Variants in TMED5 observed in about 807,000 individuals in gnomAD.
The protein encoded by TMED5 is transmembrane emp24 domain-containing protein 5.
TMED5 carries 27 observed loss-of-function variants against 23.0 expected under a neutral mutation model. That is an observed-to-expected ratio of 1.17 (90% CI 0.86 to 1.62). The LOEUF is 1.62. TMED5 is among the 40% of genes most tolerant of loss of function. TMED5 has a pLI of 0.00. For missense variants in TMED5, 248 were observed against 273.7 expected, an observed-to-expected ratio of 0.91 and a Z score of 0.66; for synonymous variants, 97 against 100.8, an observed-to-expected ratio of 0.96 and a Z score of 0.23.
At chr1:93,163,814 A>T (rs535906697) in intron 1 of TMED5, among the ~76,000 whole-genome samples, 58 of 138,196 alleles carry the variant, frequency 4.2e-4, no homozygotes, top group South Asian at 1.8e-3. Flanking sequence ...TGTCTCTAAT[A>T]AAAAAAAAAA....
intron 1 of TMED5, among the ~76,000 whole-genome samples, chr1:93,175,173 A>ATT (rs1223422846): frequency 1.5e-3 from 109 of 72,536 alleles, no homozygotes; most frequent in Non-Finnish European, 5.8e-4. Flanking sequence ...CTTAAAAGCC[A>ATT]TTTATATATA....
intron 1 of TMED5, 65 bp downstream of exon 1, chr1:93,179,989 G>T: frequency 9.2e-6 from 14 of 1,514,008 alleles, no homozygotes; most frequent in Non-Finnish European, 1.1e-5. Context: ...TTCTAAACGG[G>T]TGAGAGGCGA....
At chr1:93,158,967 T>C (rs1377138896) in intron 2 of TMED5, 1 of 475,328 alleles carries the variant, frequency 2.1e-6, no homozygotes, top group South Asian at 9.0e-5. Flanking sequence ...TATTTAGTAA[T>C]AGCTTATGCA....
chr1:93,156,547 A>C, intron 2 of TMED5, 64 bp from the exon 3 acceptor site: 1 of 1,369,260 alleles, frequency 7.3e-7, no homozygotes, highest in Non-Finnish European at 1.0e-6. Flanking sequence ...AAAGCAACTA[A>C]AGGTAAAAAT....
chr1:93,160,377 A>G (rs1648225078), intron 1 of TMED5, 151 bp from the exon 2 acceptor site: 1 of 506,904 alleles, frequency 2.0e-6, no homozygotes, highest in South Asian at 3.4e-5. Context: ...CCAAAAGATC[A>G]TCTAGTTCAA....
chr1:93,162,312 A>C (rs1648309024), intron 1 of TMED5: 1 of 152,200 alleles, frequency 6.6e-6, no homozygotes, highest in Admixed American at 6.5e-5. Flanking sequence ...ATTAAAATCT[A>C]TAGGCTGGGT....
At chr1:93,156,549 G>T in intron 2 of TMED5, 66 bp from the exon 3 acceptor site, 1 of 1,351,300 alleles carries the variant, frequency 7.4e-7, no homozygotes, top group South Asian at 1.2e-5. Flanking sequence ...AGCAACTAAA[G>T]GTAAAAATAA....
rs190206671 is a variant in TMED5, at chr1:93,171,020, T to C, written c.189+9034A>G. Among the ~76,000 whole-genome samples, 116 of 152,292 alleles carry C rather than the reference T, an allele frequency of 7.6e-4. 1 individual carries two copies. The highest frequency in any genetic ancestry group is 1.3e-3 in the Non-Finnish European group (87 of 68,016). On this transcript the variant is annotated intron_variant, in intron 1 of 3. Transcript: ENST00000370282. ...CAGTGGCAACCTGCTGGGGTCCCCT[T>C]GTACACTGTGGAAGCTTTGTTCTCT... is the stretch of plus-strand genomic sequence containing the variant.
Position 93,150,891 on chromosome 1 carries a change from T to C in TMED5, c.*3779A>G, listed in dbSNP as rs572274141. 1 of 152,316 alleles carries C rather than the reference T, an allele frequency of 6.6e-6. No homozygotes were observed. The highest frequency in any genetic ancestry group is 2.1e-4 in the South Asian group (1 of 4,826). The allele number at this position is 152,316 out of a possible 1,614,324, so 9.4% of individuals were successfully genotyped here. On this transcript the variant is annotated 3_prime_UTR_variant, in exon 4 of 4. Transcript: ENST00000370282. Reference sequence around the variant, plus strand: ...TTACTGCTTTCCTATTTCTTCCTCATCTTCCATAAAAGGCACAATAATAAA... The same window carrying C: ...TTACTGCTTTCCTATTTCTTCCTCACCTTCCATAAAAGGCACAATAATAAA...
At chr1:93,170,798 ACT>A (rs1193304241) in intron 1 of TMED5, among the ~76,000 whole-genome samples, 5 of 151,854 alleles carry the variant, frequency 3.3e-5, no homozygotes, top group African/African-American at 4.8e-5. Context: ...ACCAATCCAC[ACT>A]CTCTGTATCT....
chr1:93,164,241 T>C (rs189870704), intron 1 of TMED5, among the ~76,000 whole-genome samples: 7 of 151,964 alleles, frequency 4.6e-5, no homozygotes, highest in Admixed American at 2.6e-4. Context: ...TCCAACTACA[T>C]AGCAAGGGCA....
In TMED5 at chr1:93,151,641, CTG is replaced by C. The variant is rs1391071521; in HGVS notation, c.*3027_*3028del. On this transcript the variant is annotated 3_prime_UTR_variant, in exon 4 of 4. Transcript: ENST00000370282. ...TCCTTTCATATATTTTGAGCAAAAA[CTG>C]TACCTTTTAGGAACAGTGCATGTTT... The C allele has an allele frequency of 1.3e-5, 2 of 152,182 alleles. No individual in the cohort carries two copies. Among genetic ancestry groups the C allele is most frequent in the Non-Finnish European group, 2.9e-5 (2 of 68,028 alleles). 9.4% of individuals were successfully genotyped at this position (152,182 alleles called of 1,614,324 possible).
At chr1:93,156,102 T>C (rs1292680309) in intron 3 of TMED5, 198 bp downstream of exon 3, 1 of 1,385,866 alleles carries the variant, frequency 7.2e-7, no homozygotes. Flanking sequence ...ATAAGTTATT[T>C]GAAAACTATA....
At chr1:93,155,532 GT>G (rs547977053) in intron 3 of TMED5, among the ~76,000 whole-genome samples, 13,939 of 129,976 alleles carry the variant, frequency 0.11, 684 homozygotes, top group African/African-American at 0.19. Context: ...AATGACTAAG[GT>G]TTTTTTTTTT....
chr1:93,168,696 A>G (rs1475345445), intron 1 of TMED5, among the ~76,000 whole-genome samples: 1 of 152,072 alleles, frequency 6.6e-6, no homozygotes, highest in African/African-American at 2.4e-5. Context: ...TGAGCTGGGC[A>G]TGGTGGCACG....
chr1:93,170,458 C>G (rs773044402), intron 1 of TMED5, among the ~76,000 whole-genome samples: 16 of 152,230 alleles, frequency 1.1e-4, no homozygotes, highest in Non-Finnish European at 2.1e-4. Context: ...GCTGCCTCCC[C>G]GCGGGGCAGG....
rs763992993 is a variant in TMED5 at position 93,154,689 on chromosome 1, T to C, written c.671A>G (p.Lys224Arg). Residue 224 changes from lysine to arginine, a missense_variant, in exon 4 of 4, where the codon AAG becomes AGG. By Grantham distance (26) the Lys-to-Arg change is conservative (BLOSUM62 2). Coordinates refer to ENST00000370282, the MANE Select transcript of TMED5 (RefSeq NM_016040.5). ...GGAGTTTTAAGTTCTACTTTTCCTC[T>C]TATCTTCAAACAGACTCTTCAGCAT... ...VYMLKSLFED[K>R]RKSRT 7.4e-6 allele frequency: 12 copies of C among 1,613,498 alleles called. No individual in the cohort carries two copies. The highest frequency in any genetic ancestry group is 9.3e-6 in the Non-Finnish European group (11 of 1,179,882).
At position 93,156,306 on chromosome 1, in the gene TMED5, G is replaced by A; in HGVS notation, c.465C>T (p.Asp155=). 6.2e-7 allele frequency: 1 copy of A among 1,613,162 alleles called. No individual in the cohort carries two copies. The highest frequency in any genetic ancestry group is 8.5e-7 in the Non-Finnish European group (1 of 1,179,296). The part of the protein sequence containing the change: ...GTDILDMKLE[D]ILESINSIKS... ...ATTAGAAGACCATACTGACCAGGATGTCTTCCAGTTTCATATCCAATATAT... is the reference window on the plus strand; with the variant it reads ...ATTAGAAGACCATACTGACCAGGATATCTTCCAGTTTCATATCCAATATAT... Residue 155 remains aspartate, a synonymous_variant, in exon 3 of 4, where the codon GAC becomes GAT. Transcript: ENST00000370282.
chr1:93,158,265 CA>C (rs1221140339), intron 2 of TMED5, among the ~76,000 whole-genome samples: 5 of 152,082 alleles, frequency 3.3e-5, no homozygotes, highest in Admixed American at 6.5e-5. Context: ...TCAGTTTCCC[CA>C]TTGGTAAAAT....
Sources: gnomAD v4.1 joint callset for allele counts (sites outside exome capture counted in the v4.1 genomes callset) on GRCh38, gnomAD v4.1.1 for gene constraint, MANE v1.5 for transcripts, NCBI Gene and HGNC (gene_info 2026-07-23, HGNC 2026-07-21) for gene names.